Variants in TUSC3 observed in about 807,000 individuals in gnomAD.
TUSC3 encodes tumor suppressor candidate 3.
In TUSC3, 45 loss-of-function variants were observed where a neutral mutation model predicts 44.8. That is an observed-to-expected ratio of 1.00 (90% CI 0.79 to 1.29). The LOEUF is 1.29. TUSC3 is among the 50% of genes most tolerant of loss of function. The pLI is 0.00. For synonymous variants in TUSC3, 212 were observed against 152.9 expected, an observed-to-expected ratio of 1.39 and a Z score of -2.85; for missense variants, 519 against 437.9, an observed-to-expected ratio of 1.19 and a Z score of -1.65.
the TUSC3 span, among the ~76,000 whole-genome samples, chr8:15,820,663 G>C: frequency 1.2e-4 from 18 of 152,008 alleles, no homozygotes; most frequent in Non-Finnish European, 2.5e-4. Context: ...TTCGGTATTG[G>C]CATTATGCTG....
intron 9 of TUSC3, 74 bp downstream of exon 9, chr8:15,748,539 T>G (rs1425098905): frequency 1.5e-6 from 2 of 1,309,130 alleles, no homozygotes; most frequent in Admixed American, 1.7e-5. Context: ...TAATATATAA[T>G]TAAGGATGAA....
chr8:15,440,382 G>C (rs1156436861), intron 1 of TUSC3, among the ~76,000 whole-genome samples: 1 of 152,164 alleles, frequency 6.6e-6, no homozygotes, highest in Non-Finnish European at 1.5e-5. Context: ...AGAATGATTA[G>C]ACAGTGTCTT....
chr8:15,703,753 T>G (rs1809500567), intron 6 of TUSC3, among the ~76,000 whole-genome samples: 1 of 152,052 alleles, frequency 6.6e-6, no homozygotes, highest in Non-Finnish European at 1.5e-5. Context: ...ACTCATTCAT[T>G]ACTGGGAGGG....
At chr8:15,806,502 T>C in the TUSC3 span, 3 of 1,085,312 alleles carry the variant, frequency 2.8e-6, no homozygotes, top group Non-Finnish European at 4.3e-6. Context: ...TTGTAAACTT[T>C]CTCAGGGTCA....
chr8:15,758,108 C>G, intron 10 of TUSC3: 1 of 1,239,246 alleles, frequency 8.1e-7, no homozygotes, highest in Non-Finnish European at 1.0e-6. Flanking sequence ...ATGCTTCCAC[C>G]CCCAACAAAT....
chr8:15,670,166 G>C (rs1303077136), intron 5 of TUSC3, among the ~76,000 whole-genome samples: 1 of 151,786 alleles, frequency 6.6e-6, no homozygotes, highest in East Asian at 1.9e-4. Context: ...ACGTTGTAAA[G>C]ATACTCGTCT....
chr8:15,419,272 G>A (rs1799695111), intron 1 of TUSC3, among the ~76,000 whole-genome samples: 1 of 152,210 alleles, frequency 6.6e-6, no homozygotes, highest in African/African-American at 2.4e-5. Context: ...GTGTCACAGT[G>A]TTTTAATTAG....
At chr8:15,815,752 T>A in the TUSC3 span, among the ~76,000 whole-genome samples, 1 of 152,152 alleles carries the variant, frequency 6.6e-6, no homozygotes, top group Non-Finnish European at 1.5e-5. Context: ...ATCTCTTGAT[T>A]CAGATAAATT....
the TUSC3 span, among the ~76,000 whole-genome samples, chr8:15,823,755 T>C: frequency 6.6e-6 from 1 of 152,206 alleles, no homozygotes; most frequent in South Asian, 2.1e-4. Flanking sequence ...GAAATCATGT[T>C]CTTAATCCTG....
intron 1 of TUSC3, among the ~76,000 whole-genome samples, chr8:15,579,908 A>T (rs1803259666): frequency 2.2e-5 from 1 of 44,514 alleles, no homozygotes; most frequent in Non-Finnish European, 5.3e-5. Flanking sequence ...TCTAATGTTG[A>T]CAGTGGGGTG....
At position 15,550,374 on chromosome 8, in the gene TUSC3, A is replaced by G. The variant is rs746035426; in HGVS notation, c.138+9806A>G. On this transcript the variant is annotated intron_variant, in intron 1 of 10. Transcript: ENST00000503731. ...TGCTTAGATGTTGGACATAGTGTAAATCATAAGAGAATAGTAACTGTAGAA... is the reference window on the plus strand; with the variant it reads ...TGCTTAGATGTTGGACATAGTGTAAGTCATAAGAGAATAGTAACTGTAGAA... 3.1e-4 allele frequency among the ~76,000 whole-genome samples: 47 copies of G among 151,726 alleles called. 1 individual carries two copies. Among genetic ancestry groups the G allele is most frequent in the Non-Finnish European group, 5.7e-4 (39 of 67,884 alleles).
intron 1 of TUSC3, among the ~76,000 whole-genome samples, chr8:15,619,365 C>G (rs1408468060): frequency 1.3e-5 from 2 of 152,158 alleles, no homozygotes; most frequent in Non-Finnish European, 2.9e-5. Flanking sequence ...TAAAGTGCTA[C>G]TTTTCTCATT....
intron 7 of TUSC3, chr8:15,733,601 C>CTTAG (rs764108467): frequency 1.6e-5 from 3 of 184,588 alleles, no homozygotes; most frequent in Non-Finnish European, 3.4e-5. Flanking sequence ...TCATATAGAT[C>CTTAG]TTAGCAGTGA....
chr8:15,790,952 G>C, the TUSC3 span, among the ~76,000 whole-genome samples: 2 of 152,100 alleles, frequency 1.3e-5, no homozygotes. Context: ...AAGCAGGAGA[G>C]AGGCATGGTT....
chr8:15,806,297 C>T, the TUSC3 span: 16 of 684,460 alleles, frequency 2.3e-5, no homozygotes, highest in East Asian at 2.4e-4. Context: ...ATGTGTACAC[C>T]ACATGGACTA....
chr8:15,424,003 T>TG (rs1799774764), intron 1 of TUSC3, among the ~76,000 whole-genome samples: 1 of 105,528 alleles, frequency 9.5e-6, no homozygotes, highest in Non-Finnish European at 1.9e-5. Context: ...TTTTTTTTTT[T>TG]TTTTGAGAAG....
intron 1 of TUSC3, among the ~76,000 whole-genome samples, chr8:15,551,334 T>C (rs1802054973): frequency 6.6e-6 from 1 of 151,680 alleles, no homozygotes; most frequent in Non-Finnish European, 1.5e-5. Flanking sequence ...TATGGTAGTT[T>C]CTCTATATAT....
intron 6 of TUSC3, among the ~76,000 whole-genome samples, chr8:15,687,795 G>A (rs147852416): frequency 2.6e-5 from 4 of 152,216 alleles, no homozygotes; most frequent in Non-Finnish European, 5.9e-5. Context: ...ATCTTTCTTT[G>A]CAAATAGGAA....
chr8:15,564,302 TAAAATAA>T (rs1319498992), intron 1 of TUSC3, among the ~76,000 whole-genome samples: 2 of 152,084 alleles, frequency 1.3e-5, no homozygotes, highest in Non-Finnish European at 2.9e-5. Context: ...CTCTAACAGC[TAAAATAA>T]AAAATAAAAA....
Sources: allele counts gnomAD v4.1 joint callset (sites outside exome capture counted in the v4.1 genomes callset), GRCh38; gene constraint gnomAD v4.1.1; transcripts MANE v1.5; gene names NCBI Gene and HGNC (gene_info 2026-07-23, HGNC 2026-07-21).